The following MACF1 variants were observed in gnomAD, a reference collection of about 807,000 sequenced individuals.
The protein encoded by MACF1 is microtubule actin crosslinking factor 1, also known as microtubule-actin cross-linking factor 1.
In MACF1, 193 loss-of-function variants were observed where a neutral mutation model predicts 854.8. That is an observed-to-expected ratio of 0.23 (90% confidence interval 0.20 to 0.25). The LOEUF (loss-of-function observed/expected upper bound fraction) is 0.25, where lower values mean the gene tolerates loss of function less well. Ranked by LOEUF, MACF1 falls within the 10% of genes least tolerant of loss-of-function variation. MACF1 has a pLI of 1.00. For missense variants in MACF1, 7,722 were observed against 8,929.1 expected, an observed-to-expected ratio of 0.86 and a Z score of 5.45; for synonymous variants, 3,185 against 3,226.7, an observed-to-expected ratio of 0.99 and a Z score of 0.44.
chr1:39,381,943 C>T lies in MACF1; in HGVS notation c.13649-10C>T, dbSNP rs1309590875. 3 of 1,608,556 alleles carry T rather than the reference C, an allele frequency of 1.9e-6. No individual in the cohort carries two copies. The highest frequency in any genetic ancestry group is 2.6e-6 in the Non-Finnish European group (3 of 1,175,426). ...GTAAAGGAATACATTCCCTCATTTC[C>T]TCTCTACAGATTCCCGATGGGAAAG... On this transcript the variant is annotated splice_polypyrimidine_tract_variant and intron_variant, in intron 55 of 100. Transcript: ENST00000564288.
At chr1:39,129,189 G>T (rs921852516) in intron 2 of MACF1, among the ~76,000 whole-genome samples, 1 of 152,122 alleles carries the variant, frequency 6.6e-6, no homozygotes, top group Non-Finnish European at 1.5e-5. Context: ...GTGCCTGAGA[G>T]AACTGCCCGT....
chr1:39,253,568 C>T (rs1017380700), intron 4 of MACF1, among the ~76,000 whole-genome samples: 6 of 127,212 alleles, frequency 4.7e-5, no homozygotes, highest in Admixed American at 4.1e-4. Context: ...GGCTGGTGTA[C>T]GGTGGCATGA....
chr1:39,336,837 A>G (rs1646818782), intron 37 of MACF1, among the ~76,000 whole-genome samples, 184 bp downstream of exon 37: 1 of 152,234 alleles, frequency 6.6e-6, no homozygotes, highest in African/African-American at 2.4e-5. Context: ...TTGTTGGAAA[A>G]TTAGGCATTG....
intron 6 of MACF1, among the ~76,000 whole-genome samples, chr1:39,263,378 A>G (rs1186569042): frequency 3.3e-5 from 5 of 152,164 alleles, no homozygotes; most frequent in Non-Finnish European, 5.9e-5. Flanking sequence ...ATTTTTTTTA[A>G]TGTGCTAAAT....
intron 66 of MACF1, among the ~76,000 whole-genome samples, chr1:39,432,157 A>G (rs1643885986): frequency 6.6e-6 from 1 of 152,246 alleles, no homozygotes; most frequent in South Asian, 2.1e-4. Flanking sequence ...CTACTGCCAT[A>G]TTAGGTTTAT....
rs1329941347 is a variant in MACF1, at chr1:39,254,346, A to G, written c.406A>G (p.Ile136Val). The change falls in exon 5 of 101, where the codon ATT becomes GTT. Residue 136 changes from isoleucine to valine, a missense_variant. Ile to Val is a conservative substitution (Grantham distance 29, BLOSUM62 3). Around this residue, in one of 15 missense-constraint regions of MACF1, gnomAD observed 108 missense variants for 196.4 expected, o/e 0.55. Coordinates refer to ENST00000564288, the MANE Select transcript of MACF1 (RefSeq NM_001394062.1). Reference sequence around the variant, plus strand: ...TTTTCATAGGCTGCAGAATGTGCAGATTGCCCTGGACTTCCTAAAGCAGCG... The same window carrying G: ...TTTTCATAGGCTGCAGAATGTGCAGGTTGCCCTGGACTTCCTAAAGCAGCG... ...MRFHRLQNVQ[I>V]ALDFLKQRQV... is the part of the protein sequence containing the mutation. 2 of 1,614,168 alleles carry G rather than the reference A, an allele frequency of 1.2e-6. No homozygotes were observed. Among genetic ancestry groups the G allele is most frequent in the Non-Finnish European group, 1.7e-6 (2 of 1,180,022 alleles).
In MACF1 at chr1:39,334,430, G is replaced by A. The variant is rs756297264; in HGVS notation, c.7842G>A (p.Met2614Ile). The A allele has an allele frequency of 6.2e-7, 1 of 1,614,086 alleles. No individual in the cohort carries two copies. Among genetic ancestry groups the A allele is most frequent in the African/African-American group, 1.3e-5 (1 of 75,050 alleles). ...LTNEAVLSPG[M>I]MHGIVDPENC... ...ATGAAGCAGTATTGTCTCCAGGAATGATGCATGGCATTGTAGATCCCGAGA... is the reference window on the plus strand; with the variant it reads ...ATGAAGCAGTATTGTCTCCAGGAATAATGCATGGCATTGTAGATCCCGAGA... Residue 2614 changes from methionine (M) to isoleucine (I), a missense_variant, in exon 37 of 101, where the codon ATG (methionine) becomes ATA (isoleucine). Physicochemically the swap from Met to Ile is conservative, Grantham distance 10. Transcript: ENST00000564288.
At chr1:39,311,046 T>C (rs368460801) in intron 26 of MACF1, 46 bp downstream of exon 26, 4 of 1,579,104 alleles carry the variant, frequency 2.5e-6, no homozygotes, top group Non-Finnish European at 3.4e-6. Context: ...AGTGAATGCT[T>C]TCAGAGTTCA....
intron 93 of MACF1, 148 bp downstream of exon 93, chr1:39,462,185 TA>T: frequency 2.5e-6 from 2 of 786,750 alleles, no homozygotes; most frequent in Non-Finnish European, 4.0e-6. Flanking sequence ...TCTTTTTGGA[TA>T]GCATTTCAAA....
chr1:39,102,109 G>A (rs1295776324), intron 2 of MACF1, among the ~76,000 whole-genome samples: 1 of 151,754 alleles, frequency 6.6e-6, no homozygotes, highest in African/African-American at 2.4e-5. Context: ...CCCGGGGGGC[G>A]GAGCCTGCAG....
intron 1 of MACF1, among the ~76,000 whole-genome samples, chr1:39,220,506 A>G (rs1287331391): frequency 8.4e-5 from 10 of 118,990 alleles, no homozygotes; most frequent in African/African-American, 3.1e-4. Flanking sequence ...TTTTTAAGAC[A>G]GAATCTTACT....
At chr1:39,386,280 A>ACC (rs1641776069) in intron 57 of MACF1, among the ~76,000 whole-genome samples, 1 of 149,820 alleles carries the variant, frequency 6.7e-6, no homozygotes, top group African/African-American at 2.5e-5. Flanking sequence ...CATACCACAC[A>ACC]CACACGGTCT....
intron 2 of MACF1, among the ~76,000 whole-genome samples, chr1:39,235,367 A>G (rs945998969): frequency 6.6e-6 from 1 of 152,254 alleles, no homozygotes; most frequent in African/African-American, 2.4e-5. Context: ...TGGTGGCGCG[A>G]GCCTGCAATC....
intron 2 of MACF1, among the ~76,000 whole-genome samples, chr1:39,090,148 C>T (rs907902499): frequency 3.3e-5 from 5 of 152,208 alleles, no homozygotes; most frequent in Admixed American, 6.5e-5. Flanking sequence ...AAATGGAACC[C>T]TAAAGACAAT....
intron 2 of MACF1, among the ~76,000 whole-genome samples, chr1:39,187,882 GTCTC>G (rs1476828600): frequency 4.1e-5 from 1 of 24,344 alleles, no homozygotes; most frequent in African/African-American, 1.3e-4. Context: ...CTCTCTCTCT[GTCTC>G]TCTCTCTCTC....
chr1:39,383,308 T>TA (rs1474170063), intron 56 of MACF1, among the ~76,000 whole-genome samples: 1 of 152,202 alleles, frequency 6.6e-6, no homozygotes. Context: ...ATCCAGGTAA[T>TA]TATTGAGTCC....
At chr1:39,415,079 A>T (rs766470650) in intron 58 of MACF1, among the ~76,000 whole-genome samples, 1 of 152,240 alleles carries the variant, frequency 6.6e-6, no homozygotes, top group Non-Finnish European at 1.5e-5. Flanking sequence ...TGGTTGAAAG[A>T]ATTTACCAAA....
chr1:39,116,877 C>A (rs891816867), intron 2 of MACF1, among the ~76,000 whole-genome samples: 6 of 152,140 alleles, frequency 3.9e-5, no homozygotes, highest in Non-Finnish European at 8.8e-5. Flanking sequence ...TGAGTGAACT[C>A]CAGGCCTAGC....
In MACF1 at chr1:39,346,677, G is replaced by C. The variant is rs766773170; in HGVS notation, c.10582-300G>C. Among the ~76,000 whole-genome samples the C allele has an allele frequency of 3.3e-5, 5 of 151,896 alleles. No individual in the cohort carries two copies. In the East Asian group the frequency reaches 7.9e-4, roughly 24 times the overall value. On this transcript the variant is annotated intron_variant, in intron 40 of 100. Coordinates refer to ENST00000564288, the MANE Select transcript of MACF1 (RefSeq NM_001394062.1). ...TGGGACTACAGGCGCCTGCCACTAC[G>C]CCTGGCTAATTTTTTGTATTTTTAG...
Sources: gnomAD v4.1 joint callset for allele counts (sites outside exome capture counted in the v4.1 genomes callset) on GRCh38, gnomAD v4.1.1 for gene constraint, gnomAD v4.1.1 regional missense constraint, MANE v1.5 for transcripts, NCBI Gene and HGNC (gene_info 2026-07-23, HGNC 2026-07-21) for gene names.